CCDC201: variants seen among roughly 807,000 people sequenced by gnomAD.
CCDC201 encodes coiled-coil domain containing 201, also known as coiled-coil domain-containing protein 201.
intron 1 of CCDC201, among the ~76,000 whole-genome samples, chr7:45,868,393 C>A (rs1786702434): frequency 6.6e-6 from 1 of 152,178 alleles, no homozygotes; most frequent in African/African-American, 2.4e-5. Flanking sequence ...TTCATTTCTG[C>A]AAAACCTATT....
chr7:45,869,804 GT>G (rs1229522638), intron 1 of CCDC201, among the ~76,000 whole-genome samples: 3 of 150,172 alleles, frequency 2.0e-5, no homozygotes, highest in Non-Finnish European at 4.4e-5. Flanking sequence ...CTACTTTACA[GT>G]TTAGTTGCTC....
At chr7:45,861,687 C>A (rs1377406597) in exon 3 of CCDC201, 1 of 152,196 alleles carries the variant, frequency 6.6e-6, no homozygotes, top group Non-Finnish European at 1.5e-5. Flanking sequence ...CCCTTAGAAT[C>A]TATTATGTCC....
chr7:45,883,758 A>T, the CCDC201 span, among the ~76,000 whole-genome samples: 2 of 151,788 alleles, frequency 1.3e-5, no homozygotes, highest in Admixed American at 6.6e-5. Flanking sequence ...TCTTTCTTTC[A>T]TGCATTAATC....
chr7:45,864,025 G>T (rs1164814501), intron 2 of CCDC201, among the ~76,000 whole-genome samples: 1 of 152,140 alleles, frequency 6.6e-6, no homozygotes, highest in Non-Finnish European at 1.5e-5. Context: ...CATCTGGTAG[G>T]AGGACCAGCG....
chr7:45,868,825 A>G (rs1445340811), intron 1 of CCDC201, among the ~76,000 whole-genome samples: 1 of 152,224 alleles, frequency 6.6e-6, no homozygotes, highest in Non-Finnish European at 1.5e-5. Flanking sequence ...TTAAAGTCAA[A>G]CAATATAGAA....
chr7:45,869,916 C>A (rs1251107782), intron 1 of CCDC201, among the ~76,000 whole-genome samples: 4 of 151,116 alleles, frequency 2.6e-5, no homozygotes, highest in Non-Finnish European at 5.9e-5. Flanking sequence ...CTCTTGGATT[C>A]AAGCGATTCT....
upstream of CCDC201, among the ~76,000 whole-genome samples, chr7:45,873,646 A>T (rs1786766463): frequency 1.3e-5 from 2 of 152,190 alleles, no homozygotes; most frequent in South Asian, 2.1e-4. Flanking sequence ...CTGCAGGTCC[A>T]CTTAGGAACC....
At chr7:45,882,461 C>T in the CCDC201 span, among the ~76,000 whole-genome samples, 13 of 152,328 alleles carry the variant, frequency 8.5e-5, no homozygotes, top group East Asian at 1.5e-3. Context: ...CAAAAACAAA[C>T]GGTCTTGCTC....
At chr7:45,874,121 T>C (rs1471572356), upstream of CCDC201, among the ~76,000 whole-genome samples, 1 of 152,034 alleles carries the variant, frequency 6.6e-6, no homozygotes, top group Non-Finnish European at 1.5e-5. Context: ...GGCTTTGCCA[T>C]GTTGCCCAGG....
chr7:45,875,596 AAAC>A (rs1250611625), upstream of CCDC201, among the ~76,000 whole-genome samples: 1 of 152,204 alleles, frequency 6.6e-6, no homozygotes, highest in Non-Finnish European at 1.5e-5. Context: ...TTTTTTCTAA[AAAC>A]AACACCTAAT....
chr7:45,864,099 C>T (rs1008249077), intron 2 of CCDC201, among the ~76,000 whole-genome samples: 4 of 152,138 alleles, frequency 2.6e-5, no homozygotes, highest in African/African-American at 7.2e-5. Context: ...TGTTTATGTC[C>T]GTCCACAGAG....
chr7:45,882,723 C>T, the CCDC201 span, among the ~76,000 whole-genome samples: 7 of 152,336 alleles, frequency 4.6e-5, no homozygotes, highest in South Asian at 1.4e-3. Flanking sequence ...TTTTCTGAAT[C>T]ACTGATAGTG....
intron 1 of CCDC201, among the ~76,000 whole-genome samples, chr7:45,871,898 A>G (rs1271349003): frequency 6.6e-6 from 1 of 152,202 alleles, no homozygotes; most frequent in African/African-American, 2.4e-5. Context: ...CAACACAAGG[A>G]GGAAACTGGA....
At chr7:45,884,301 T>C in the CCDC201 span, among the ~76,000 whole-genome samples, 1 of 152,160 alleles carries the variant, frequency 6.6e-6, no homozygotes, top group Non-Finnish European at 1.5e-5. Context: ...GGTCATGCTT[T>C]GTTACCCAGG....
At chr7:45,873,787 A>C (rs866904144), upstream of CCDC201, among the ~76,000 whole-genome samples, 6 of 152,356 alleles carry the variant, frequency 3.9e-5, no homozygotes, top group Middle Eastern at 6.8e-3. Flanking sequence ...ATGAAACTAA[A>C]AAGAGCAATT....
upstream of CCDC201, among the ~76,000 whole-genome samples, chr7:45,876,840 A>G (rs1331689906): frequency 1.3e-5 from 2 of 152,146 alleles, no homozygotes; most frequent in Non-Finnish European, 2.9e-5. Context: ...CATTCTTTTC[A>G]CTGGGTCCCA....
chr7:45,884,569 C>A, the CCDC201 span, among the ~76,000 whole-genome samples: 140 of 152,282 alleles, frequency 9.2e-4, no homozygotes, highest in African/African-American at 3.3e-3. Context: ...CAGCTCCCAG[C>A]AGGAAGAACT....
At chr7:45,883,630 G>A in the CCDC201 span, among the ~76,000 whole-genome samples, 2 of 152,172 alleles carry the variant, frequency 1.3e-5, no homozygotes, top group African/African-American at 4.8e-5. Flanking sequence ...CATGGACCTC[G>A]TCTATGGCTC....
upstream of CCDC201, among the ~76,000 whole-genome samples, chr7:45,876,737 G>T (rs897278037): frequency 6.6e-6 from 1 of 152,234 alleles, no homozygotes; most frequent in Non-Finnish European, 1.5e-5. Flanking sequence ...GGTGGCAGCC[G>T]TCAGGTGCTG....
Sources: gnomAD v4.1 joint callset for allele counts (sites outside exome capture counted in the v4.1 genomes callset) on GRCh38, gnomAD v4.1.1 for gene constraint, MANE v1.5 for transcripts, NCBI Gene and HGNC (gene_info 2026-07-23, HGNC 2026-07-21) for gene names.